Variants in GMPS observed in about 807,000 individuals in gnomAD.
GMPS encodes GMP synthase [glutamine-hydrolyzing].
GMPS carries 15 observed loss-of-function variants against 77.9 expected under a neutral mutation model. That is an observed-to-expected ratio of 0.19 (90% confidence interval 0.13 to 0.30). The LOEUF (loss-of-function observed/expected upper bound fraction) is 0.30. GMPS is among the 10% of genes least tolerant of loss of function. The pLI, the probability that GMPS is intolerant of heterozygous loss-of-function variation, is 1.00. For missense variants in GMPS, 590 were observed against 838.8 expected (o/e 0.70, Z 3.66); for synonymous variants, 224 against 275.9 (o/e 0.81, Z 1.86).
rs376851558 is a variant in GMPS at position 155,922,592 on chromosome 3, T to C, written c.1434+290T>C. On this transcript the variant is annotated intron_variant, in intron 11 of 15. Transcript: ENST00000496455. ...GGAAATCCTTTGAGTCAGGAATTTA[T>C]TGGGAGCATCATTTCAAGAAACCAA... 4.1e-4 allele frequency among the ~76,000 whole-genome samples: 62 copies of C among 152,298 alleles called. 7 individuals carry two copies. Among genetic ancestry groups the C allele is most frequent in the Admixed American group, 2.6e-3 (40 of 15,300 alleles).
chr3:155,876,524 C>G (rs1413873886), intron 1 of GMPS, among the ~76,000 whole-genome samples: 1 of 152,152 alleles, frequency 6.6e-6, no homozygotes, highest in Non-Finnish European at 1.5e-5. Flanking sequence ...TTTAACAAAC[C>G]CGTCCTATTT....
At chr3:155,889,970 CT>C (rs1468850788) in intron 1 of GMPS, among the ~76,000 whole-genome samples, 2 of 152,034 alleles carry the variant, frequency 1.3e-5, no homozygotes, top group African/African-American at 2.4e-5. Context: ...GACTAAGTTT[CT>C]TTTTTCTCAT....
Position 155,911,238 on chromosome 3 carries a change from C to T in GMPS, c.845C>T (p.Ser282Phe). 4 of 1,612,506 alleles carry T rather than the reference C, an allele frequency of 2.5e-6. No individual in the cohort carries two copies. The highest frequency in any genetic ancestry group is 3.4e-6 in the Non-Finnish European group (4 of 1,179,138). The part of the protein sequence containing the change: ...NGFMRKRESQ[S>F]VEEALKKLGI... ...TTTATGAGAAAACGAGAAAGCCAGT[C>T]TGTTGAAGAGGCCCTCAAAAAGCTT... The change falls in exon 7 of 16, where the codon TCT becomes TTT. Residue 282 changes from serine to phenylalanine, a missense_variant. This residue lies in a region of GMPS where 181 missense variants were observed against 186.8 expected (regional missense o/e 0.97). Coordinates refer to ENST00000496455, the MANE Select transcript of GMPS (RefSeq NM_003875.3).
chr3:155,934,719 C>T (rs1429531910), intron 13 of GMPS, among the ~76,000 whole-genome samples, 197 bp from the exon 14 acceptor site: 11 of 152,130 alleles, frequency 7.2e-5, no homozygotes, highest in African/African-American at 2.2e-4. Context: ...GAGGAAAACA[C>T]GTAGAACACA....
intron 13 of GMPS, among the ~76,000 whole-genome samples, chr3:155,934,533 A>G (rs1755711017): frequency 6.6e-6 from 1 of 152,182 alleles, no homozygotes; most frequent in Admixed American, 6.5e-5. Context: ...ATCCAGTATT[A>G]CTTCATTTTA....
Position 155,940,740 on chromosome 3 carries a change from GTTTT to G in GMPS, c.*3063_*3066del, listed in dbSNP as rs77440100. ...AGACAGAATGGAGAAGCTGGATAGT[GTTTT>G]TTTTTTTTTTTTTTAAGGTTCTTTT... On this transcript the variant is annotated 3_prime_UTR_variant, in exon 16 of 16. Transcript: ENST00000496455. The G allele has an allele frequency of 4.2e-4, 73 of 175,462 alleles. No homozygotes were observed. Among genetic ancestry groups the G allele is most frequent in the East Asian group, 2.6e-3 (29 of 11,306 alleles). 10.9% of individuals were successfully genotyped at this position (175,462 alleles called of 1,614,324 possible). A position where few individuals can be genotyped will look rare whatever the true frequency, so the allele number is the denominator to read the frequency against.
intron 3 of GMPS, among the ~76,000 whole-genome samples, chr3:155,903,476 CTTG>C (rs1316023726): frequency 1.3e-5 from 2 of 152,150 alleles, no homozygotes; most frequent in African/African-American, 2.4e-5. Flanking sequence ...GTACAAGGTT[CTTG>C]TTGTCTGCTG....
chr3:155,942,830 A>T lies in GMPS; in HGVS notation c.*5138A>T. The T allele has an allele frequency of 4.6e-6, 1 of 216,082 alleles. No individual in the cohort carries two copies. The highest frequency in any genetic ancestry group is 9.3e-6 in the Non-Finnish European group (1 of 107,252). 13.4% of individuals were successfully genotyped at this position (216,082 alleles called of 1,614,324 possible). On this transcript the variant is annotated 3_prime_UTR_variant, in exon 16 of 16. Coordinates refer to ENST00000496455, the MANE Select transcript of GMPS (RefSeq NM_003875.3). Reference sequence around the variant, plus strand: ...TGAGCTATTATTGCATCAACACATAAATCCTGTCATTTGGGTATTATTCTT... The same window carrying T: ...TGAGCTATTATTGCATCAACACATATATCCTGTCATTTGGGTATTATTCTT...
Position 155,903,920 on chromosome 3 carries a change from G to C in GMPS, c.382G>C (p.Val128Leu). 1 of 1,542,574 alleles carries C rather than the reference G, an allele frequency of 6.5e-7. No homozygotes were observed. The highest frequency in any genetic ancestry group is 8.9e-7 in the Non-Finnish European group (1 of 1,127,722). Residue 128 changes from valine (V) to leucine (L), a missense_variant, in exon 4 of 16, where the codon GTT becomes CTT. By Grantham distance (32) the Val-to-Leu change is conservative (BLOSUM62 1). This residue lies in a region of GMPS where 136 missense variants were observed against 225.6 expected (regional missense o/e 0.60). Transcript: ENST00000496455. The stretch of plus-strand genomic sequence containing the variant: ...CAAAAAAAGTGTCAGAGAAGATGGA[G>C]TTTTCAACATTAGTGTGGATAATAC... ...VHKKSVREDGVFNISVDNTCS... is the reference protein window; with the variant it reads ...VHKKSVREDGLFNISVDNTCS...
chr3:155,887,028 A>G (rs888853965), intron 1 of GMPS, among the ~76,000 whole-genome samples: 8 of 152,200 alleles, frequency 5.3e-5, no homozygotes, highest in African/African-American at 1.9e-4. Flanking sequence ...AATATTTAAG[A>G]TATATTGTAA....
chr3:155,870,984 C>G (rs1224538526), intron 1 of GMPS, 87 bp downstream of exon 1: 1 of 1,228,980 alleles, frequency 8.1e-7, no homozygotes, highest in Non-Finnish European at 1.1e-6. Context: ...CCTTCCCCAC[C>G]CCCTTCCCCC....
intron 13 of GMPS, among the ~76,000 whole-genome samples, chr3:155,932,874 C>T (rs1479956227): frequency 1.3e-5 from 2 of 152,134 alleles, no homozygotes; most frequent in African/African-American, 4.8e-5. Context: ...CTTTAAAATG[C>T]TGAAAAATAG....
intron 10 of GMPS, 50 bp from the exon 11 acceptor site, chr3:155,922,137 A>G: frequency 1.4e-6 from 1 of 713,120 alleles, no homozygotes; most frequent in Non-Finnish European, 2.2e-6. Flanking sequence ...AGATTTTTAT[A>G]TTAGAAATAT....
intron 13 of GMPS, among the ~76,000 whole-genome samples, chr3:155,932,778 A>C (rs1755659124): frequency 6.6e-6 from 1 of 152,232 alleles, no homozygotes; most frequent in Non-Finnish European, 1.5e-5. Context: ...ATAAGGAGTT[A>C]CAGGGAAGCC....
At chr3:155,882,551 T>G (rs1325487464) in intron 1 of GMPS, among the ~76,000 whole-genome samples, 2 of 152,224 alleles carry the variant, frequency 1.3e-5, no homozygotes, top group African/African-American at 4.8e-5. Flanking sequence ...TTATCAAACA[T>G]CTGCAATGAA....
chr3:155,931,471 C>G (rs990597541), intron 12 of GMPS, among the ~76,000 whole-genome samples: 5 of 152,076 alleles, frequency 3.3e-5, no homozygotes, highest in African/African-American at 1.2e-4. Context: ...CAGGCATGAA[C>G]CACTGTGCCC....
intron 1 of GMPS, among the ~76,000 whole-genome samples, chr3:155,885,745 A>G (rs1421635091): frequency 6.6e-6 from 1 of 152,224 alleles, no homozygotes; most frequent in Non-Finnish European, 1.5e-5. Flanking sequence ...AAGGATGTTT[A>G]ACCTGTATAT....
intron 1 of GMPS, among the ~76,000 whole-genome samples, chr3:155,889,438 C>T (rs62286833): frequency 0.055 from 8,317 of 152,196 alleles, 320 homozygotes; most frequent in East Asian, 0.18. Context: ...CCTCCTAGCG[C>T]GCTGCGGTTC....
chr3:155,916,866 G>A (rs1242289720), intron 9 of GMPS, among the ~76,000 whole-genome samples: 5 of 151,952 alleles, frequency 3.3e-5, no homozygotes, highest in African/African-American at 7.3e-5. Context: ...TTTTACATTC[G>A]CACTAGCAAT....
Sources: allele counts gnomAD v4.1 joint callset (sites outside exome capture counted in the v4.1 genomes callset), GRCh38; gene constraint gnomAD v4.1.1; regional missense constraint gnomAD v4.1.1; transcripts MANE v1.5; gene names NCBI Gene and HGNC (gene_info 2026-07-23, HGNC 2026-07-21).